NRXN1: variants seen among roughly 807,000 people sequenced by gnomAD.
The protein encoded by NRXN1 is neurexin 1, also known as neurexin-1.
NRXN1 carries 39 observed loss-of-function variants against 150.9 expected under a neutral mutation model. That is an observed-to-expected ratio of 0.26 (90% CI 0.20 to 0.34). The LOEUF is 0.34. NRXN1 is among the 10% of genes least tolerant of loss of function. The pLI, the probability that NRXN1 is intolerant of heterozygous loss-of-function variation, is 1.00. For synonymous variants in NRXN1, 924 were observed against 757.0 expected (o/e 1.22, Z -3.62); for missense variants, 1,815 against 1,949.9 (o/e 0.93, Z 1.30).
chr2:50,893,857 G>A (rs540345191), intron 5 of NRXN1, among the ~76,000 whole-genome samples: 1 of 152,006 alleles, frequency 6.6e-6, no homozygotes, highest in Non-Finnish European at 1.5e-5. Flanking sequence ...GCGGTGTTTG[G>A]TTTTTTGTTC....
chr2:50,047,205 A>G (rs2152609129), intron 21 of NRXN1, among the ~76,000 whole-genome samples: 1 of 152,232 alleles, frequency 6.6e-6, no homozygotes, highest in African/African-American at 2.4e-5. Flanking sequence ...GTATCCTGAA[A>G]AAAAGTGGGC....
At chr2:50,548,872 C>T (rs1415968606) in intron 9 of NRXN1, among the ~76,000 whole-genome samples, 1 of 152,020 alleles carries the variant, frequency 6.6e-6, no homozygotes, top group African/African-American at 2.4e-5. Context: ...TGGCCAACAG[C>T]AGAAAGAATT....
intron 5 of NRXN1, among the ~76,000 whole-genome samples, chr2:50,854,938 T>G (rs934745499): frequency 2.6e-5 from 4 of 152,062 alleles, no homozygotes; most frequent in Non-Finnish European, 5.9e-5. Flanking sequence ...GAAACGGATT[T>G]AAAAGACAGA....
chr2:50,506,687 G>A lies in NRXN1; in HGVS notation c.2375-70C>T, dbSNP rs1206950184. 6 of 1,520,466 alleles carry A rather than the reference G, an allele frequency of 3.9e-6. No individual in the cohort carries two copies. The East Asian group carries it at 1.4e-4, about 35-fold the overall frequency. 94.2% of individuals were successfully genotyped at this position (1,520,466 alleles called of 1,614,324 possible). A position where few individuals can be genotyped will look rare whatever the true frequency, so the allele number is the denominator to read the frequency against. ...CAAGCAAATGAACCTCACAGAGAGT[G>A]AGAGAAAGAGACAAGGGGGGAAGGT... is the stretch of plus-strand genomic sequence containing the variant. On this transcript the variant is annotated intron_variant, in intron 12 of 22. Coordinates refer to ENST00000401669, the MANE Select transcript of NRXN1 (RefSeq NM_001330078.2).
intron 19 of NRXN1, 96 bp from the exon 20 acceptor site, chr2:50,055,140 A>T: frequency 1.3e-6 from 1 of 760,358 alleles, no homozygotes; most frequent in Non-Finnish European, 2.0e-6. Flanking sequence ...TTGCCACATG[A>T]TTTTTTGAAA....
intron 19 of NRXN1, among the ~76,000 whole-genome samples, chr2:50,090,738 AAAGAATCCTC>A (rs1699444047): frequency 6.6e-6 from 1 of 152,158 alleles, no homozygotes; most frequent in African/African-American, 2.4e-5. Flanking sequence ...TGCTAGTGTC[AAAGAATCCTC>A]ATGAAACTCT....
At chr2:49,928,467 A>G (rs1389857142) in intron 22 of NRXN1, among the ~76,000 whole-genome samples, 1 of 152,110 alleles carries the variant, frequency 6.6e-6, no homozygotes, top group Non-Finnish European at 1.5e-5. Flanking sequence ...AAGTTATTAT[A>G]ATTCTAGGCT....
chr2:50,905,117 A>C (rs1683488209), intron 5 of NRXN1, among the ~76,000 whole-genome samples: 1 of 152,086 alleles, frequency 6.6e-6, no homozygotes, highest in Non-Finnish European at 1.5e-5. Flanking sequence ...TTATCATCAC[A>C]GTTCAGCCCA....
At chr2:51,019,523 AT>A (rs1669266298) in intron 2 of NRXN1, among the ~76,000 whole-genome samples, 1 of 152,074 alleles carries the variant, frequency 6.6e-6, no homozygotes, top group Non-Finnish European at 1.5e-5. Context: ...AATGTATAAT[AT>A]TTTGGGGGAA....
chr2:50,761,356 T>G (rs1392250808), intron 5 of NRXN1, among the ~76,000 whole-genome samples: 1 of 151,744 alleles, frequency 6.6e-6, no homozygotes, highest in African/African-American at 2.4e-5. Flanking sequence ...GGGGCGAGTT[T>G]TTCCTGGCCG....
chr2:50,874,715 T>G (rs1678314228), intron 5 of NRXN1, among the ~76,000 whole-genome samples: 1 of 151,768 alleles, frequency 6.6e-6, no homozygotes, highest in African/African-American at 2.4e-5. Flanking sequence ...TTAACACAAT[T>G]AACAGAAAAA....
At chr2:50,000,888 G>T (rs1683812353) in intron 21 of NRXN1, among the ~76,000 whole-genome samples, 1 of 152,126 alleles carries the variant, frequency 6.6e-6, no homozygotes, top group Non-Finnish European at 1.5e-5. Context: ...ATAAAATGAA[G>T]TTCTTACAGT....
At chr2:50,605,084 G>A (rs1676876570) in intron 8 of NRXN1, among the ~76,000 whole-genome samples, 1 of 152,126 alleles carries the variant, frequency 6.6e-6, no homozygotes, top group African/African-American at 2.4e-5. Context: ...AGCAATAAAT[G>A]CTATGATAGA....
intron 2 of NRXN1, among the ~76,000 whole-genome samples, chr2:51,004,047 G>C (rs1249927339): frequency 6.7e-6 from 1 of 148,824 alleles, no homozygotes; most frequent in Admixed American, 6.7e-5. Flanking sequence ...TGTTGTTGTT[G>C]TTTGCTTGTG....
chr2:50,099,117 T>G (rs1349005018), intron 18 of NRXN1, among the ~76,000 whole-genome samples: 4 of 152,102 alleles, frequency 2.6e-5, no homozygotes, highest in Non-Finnish European at 5.9e-5. Flanking sequence ...ATTAACTTCC[T>G]GGAGGCTTAA....
chr2:49,990,789 T>C (rs548729231), intron 21 of NRXN1, among the ~76,000 whole-genome samples: 2 of 152,300 alleles, frequency 1.3e-5, no homozygotes, highest in Non-Finnish European at 2.9e-5. Flanking sequence ...AGATATAGAA[T>C]GAAAGAATAC....
chr2:50,155,934 T>G (rs2058992016), intron 18 of NRXN1, among the ~76,000 whole-genome samples: 1 of 151,698 alleles, frequency 6.6e-6, no homozygotes, highest in African/African-American at 2.4e-5. Context: ...CTTAAAAAAG[T>G]AGAAATTTAT....
chr2:49,925,664 A>T (rs1668989300), intron 22 of NRXN1, among the ~76,000 whole-genome samples: 1 of 152,220 alleles, frequency 6.6e-6, no homozygotes, highest in South Asian at 2.1e-4. Context: ...AAACTAAAAT[A>T]AGACATTTTT....
intron 12 of NRXN1, among the ~76,000 whole-genome samples, chr2:50,522,608 C>T (rs2105135886): frequency 6.6e-6 from 1 of 151,916 alleles, no homozygotes; most frequent in East Asian, 1.9e-4. Flanking sequence ...GTTGCCTAAT[C>T]CATGTAGTCA....
Sources: allele counts gnomAD v4.1 joint callset (sites outside exome capture counted in the v4.1 genomes callset), GRCh38; gene constraint gnomAD v4.1.1; transcripts MANE v1.5; gene names NCBI Gene and HGNC (gene_info 2026-07-23, HGNC 2026-07-21).